Variants in ELMO1 observed in about 807,000 individuals in gnomAD.
ELMO1 encodes the protein engulfment and cell motility 1, also known as engulfment and cell motility protein 1.
Under a neutral mutation model 98.9 loss-of-function variants are expected in ELMO1, and 26 were observed. The observed-to-expected ratio is 0.26, with a 90% CI of 0.19 to 0.36. The LOEUF (loss-of-function observed/expected upper bound fraction) is 0.36. Among genes scored for constraint, ELMO1 ranks in the 10% least tolerant of loss-of-function variants. The pLI is 1.00. For synonymous variants in ELMO1, 346 were observed against 346.0 expected (o/e 1.00, Z 0.00); for missense variants, 627 against 935.2 (o/e 0.67, Z 4.30).
At chr7:37,036,959 T>C (rs968973095) in intron 15 of ELMO1, among the ~76,000 whole-genome samples, 7 of 152,102 alleles carry the variant, frequency 4.6e-5, no homozygotes, top group Admixed American at 2.0e-4. Flanking sequence ...CTTGAGTTCA[T>C]AGAAATCACA....
At chr7:36,874,611 C>T (rs1803791415) in intron 19 of ELMO1, among the ~76,000 whole-genome samples, 1 of 152,178 alleles carries the variant, frequency 6.6e-6, no homozygotes, top group African/African-American at 2.4e-5. Context: ...CCTGTGTCGC[C>T]GCTCTTCGCA....
rs187691073 is a variant in ELMO1, at chr7:37,015,475, G to C, written c.1301-2040C>G. Among the ~76,000 whole-genome samples the C allele has an allele frequency of 2.9e-3, 436 of 152,000 alleles. 2 individuals carry two copies. Among genetic ancestry groups the C allele is most frequent in the East Asian group, 4.5e-3 (23 of 5,160 alleles). On this transcript the variant is annotated intron_variant, in intron 15 of 21. Coordinates refer to ENST00000310758, the MANE Select transcript of ELMO1 (RefSeq NM_014800.11). The stretch of plus-strand genomic sequence containing the variant: ...AATTAGCTGGGCATGGTGGCATGCC[G>C]CTGTAGTCCCAGCTACTCTGGAGGC...
chr7:37,158,386 G>C (rs928006536), intron 13 of ELMO1, among the ~76,000 whole-genome samples: 26 of 151,930 alleles, frequency 1.7e-4, no homozygotes, highest in African/African-American at 6.0e-4. Context: ...CAGAATGGGA[G>C]AAAAATTTTG....
At position 36,926,798 on chromosome 7, in the gene ELMO1, T is replaced by C. The variant is rs776740263; in HGVS notation, c.1438-31781A>G. ...AGGCCTCTTTCAATTCCTATATTGA[T>C]ACTCATGATTTATATTTTTCTATAT... On this transcript the variant is annotated intron_variant, in intron 16 of 21. Transcript: ENST00000310758. Among the ~76,000 whole-genome samples the C allele has an allele frequency of 2.6e-4, 40 of 152,264 alleles. 1 individual carries two copies. The highest frequency in any genetic ancestry group is 4.4e-5 in the Non-Finnish European group (3 of 68,046).
intron 15 of ELMO1, among the ~76,000 whole-genome samples, chr7:37,059,697 G>A (rs1796569210): frequency 6.6e-6 from 1 of 152,290 alleles, no homozygotes; most frequent in East Asian, 1.9e-4. Flanking sequence ...GAATTCTAGG[G>A]AGGTTTCTTT....
chr7:36,906,581 G>C (rs533379652), intron 16 of ELMO1, among the ~76,000 whole-genome samples: 1 of 152,278 alleles, frequency 6.6e-6, no homozygotes, highest in African/African-American at 2.4e-5. Flanking sequence ...GTGAGGAGGT[G>C]CTGGGAGCAG....
chr7:37,008,935 C>T (rs73117554), intron 16 of ELMO1, among the ~76,000 whole-genome samples: 18,211 of 152,214 alleles, frequency 0.12, 1,547 homozygotes, highest in Non-Finnish European at 0.17. Flanking sequence ...TTTAATTAAT[C>T]TGTGGTGCGG....
chr7:37,149,104 GGAGCTGATC>G (rs2129316588), intron 13 of ELMO1, among the ~76,000 whole-genome samples: 1 of 152,296 alleles, frequency 6.6e-6, no homozygotes, highest in East Asian at 1.9e-4. Flanking sequence ...GGTGAAGTGA[GGAGCTGATC>G]AAGCTGCAGC....
At chr7:37,102,715 A>C (rs1784704152) in intron 14 of ELMO1, among the ~76,000 whole-genome samples, 1 of 152,234 alleles carries the variant, frequency 6.6e-6, no homozygotes, top group African/African-American at 2.4e-5. Context: ...CACTGTACAG[A>C]TGAAGAAACA....
intron 16 of ELMO1, among the ~76,000 whole-genome samples, chr7:36,940,137 C>T (rs1340961627): frequency 6.6e-6 from 1 of 152,196 alleles, no homozygotes; most frequent in Non-Finnish European, 1.5e-5. Flanking sequence ...AAATAGACAA[C>T]CATCTCCTAG....
chr7:37,167,254 C>G lies in ELMO1; in HGVS notation c.1087-34020G>C, dbSNP rs553415155. Among the ~76,000 whole-genome samples, 323 of 152,112 alleles carry G rather than the reference C, an allele frequency of 2.1e-3. 3 individuals carry two copies. The highest frequency in any genetic ancestry group is 0.017 in the Admixed American group (253 of 15,276). On this transcript the variant is annotated intron_variant, in intron 13 of 21. Coordinates refer to ENST00000310758, the MANE Select transcript of ELMO1 (RefSeq NM_014800.11). ...TGTCTCTGCATGTGAGATGGGTTTC[C>G]TGAATACAGCACACTGATGGGTCTT...
intron 1 of ELMO1, chr7:37,376,009 C>A: frequency 2.0e-6 from 1 of 495,716 alleles, no homozygotes; most frequent in South Asian, 2.1e-5. Flanking sequence ...TGAACATGGT[C>A]AGCCACCTCA....
At position 37,232,254 on chromosome 7, in the gene ELMO1, G is replaced by A. The variant is rs1436466743; in HGVS notation, c.549+841C>T. Among the ~76,000 whole-genome samples, 9 of 152,116 alleles carry A rather than the reference G, an allele frequency of 5.9e-5. No individual in the cohort carries two copies. In the South Asian group the frequency reaches 1.0e-3, roughly 18 times the overall value. On this transcript the variant is annotated intron_variant, in intron 8 of 21. Coordinates refer to ENST00000310758, the MANE Select transcript of ELMO1 (RefSeq NM_014800.11). The stretch of plus-strand genomic sequence containing the variant: ...CACTGAAATTCTCTTTCCAGTAACC[G>A]ATACTTATAAAATAAAGTTATGAAT...
chr7:37,369,858 T>C (rs887609615), intron 1 of ELMO1, among the ~76,000 whole-genome samples: 1 of 152,180 alleles, frequency 6.6e-6, no homozygotes, highest in Non-Finnish European at 1.5e-5. Context: ...TGCTTTGACA[T>C]GCTGAACTAA....
chr7:37,187,136 A>G (rs1271305040), intron 13 of ELMO1, among the ~76,000 whole-genome samples: 1 of 152,212 alleles, frequency 6.6e-6, no homozygotes. Flanking sequence ...ATAAGAAGAA[A>G]CAAAGAACGG....
chr7:36,937,477 C>A (rs1282997023), intron 16 of ELMO1, among the ~76,000 whole-genome samples: 1 of 152,170 alleles, frequency 6.6e-6, no homozygotes, highest in Non-Finnish European at 1.5e-5. Context: ...AACTAGGAGA[C>A]CATAACTTTC....
At chr7:37,099,441 T>C (rs1409351049) in intron 14 of ELMO1, among the ~76,000 whole-genome samples, 1 of 152,240 alleles carries the variant, frequency 6.6e-6, no homozygotes, top group Non-Finnish European at 1.5e-5. Context: ...CGGAGACATT[T>C]TGAAAAGCTC....
chr7:37,097,301 G>A lies in ELMO1; in HGVS notation c.1192-574C>T, dbSNP rs142372491. On this transcript the variant is annotated intron_variant, in intron 14 of 21. Coordinates refer to ENST00000310758, the MANE Select transcript of ELMO1 (RefSeq NM_014800.11). Reference sequence around the variant, plus strand: ...GTCTGTAATCCCAGCACTGCGGGAGGCCGAGGCGGGCGGATCATTGGAGGT... The same window carrying A: ...GTCTGTAATCCCAGCACTGCGGGAGACCGAGGCGGGCGGATCATTGGAGGT... Among the ~76,000 whole-genome samples the A allele has an allele frequency of 4.8e-3, 735 of 152,324 alleles. 1 individual carries two copies. The highest frequency in any genetic ancestry group is 0.017 in the African/African-American group (702 of 41,566).
At chr7:36,971,495 T>G (rs1789948345) in intron 16 of ELMO1, among the ~76,000 whole-genome samples, 1 of 152,230 alleles carries the variant, frequency 6.6e-6, no homozygotes, top group South Asian at 2.1e-4. Flanking sequence ...GTAGCTGACT[T>G]AATTCGTTAC....
Sources: gnomAD v4.1 joint callset for allele counts (sites outside exome capture counted in the v4.1 genomes callset) on GRCh38, gnomAD v4.1.1 for gene constraint, MANE v1.5 for transcripts, NCBI Gene and HGNC (gene_info 2026-07-23, HGNC 2026-07-21) for gene names.